The following PIP5K1A variants were observed in gnomAD, a reference collection of about 807,000 sequenced individuals.
PIP5K1A encodes the protein phosphatidylinositol-4-phosphate 5-kinase type 1 alpha, also known as phosphatidylinositol 4-phosphate 5-kinase type-1 alpha.
Under a neutral mutation model 72.9 loss-of-function variants are expected in PIP5K1A, and 46 were observed. The observed-to-expected ratio is 0.63, with a 90% CI of 0.50 to 0.81. The LOEUF is 0.81. Ranked by LOEUF, PIP5K1A falls within the 30% of genes least tolerant of loss-of-function variation. The pLI is 0.00. For synonymous variants in PIP5K1A, 228 were observed against 255.1 expected, an observed-to-expected ratio of 0.89 and a Z score of 1.01; for missense variants, 458 against 706.1, an observed-to-expected ratio of 0.65 and a Z score of 3.98.
At chr1:151,237,740 T>C (rs1691099205) in intron 9 of PIP5K1A, among the ~76,000 whole-genome samples, 1 of 152,174 alleles carries the variant, frequency 6.6e-6, no homozygotes, top group Non-Finnish European at 1.5e-5. Flanking sequence ...ATTACTGAAG[T>C]GTCACAAATA....
At chr1:151,224,877 C>T (rs181306288) in intron 3 of PIP5K1A, among the ~76,000 whole-genome samples, 1 of 152,272 alleles carries the variant, frequency 6.6e-6, no homozygotes, top group East Asian at 1.9e-4. Context: ...TCTTGCCTCT[C>T]CCCTGGGTTT....
chr1:151,195,999 A>G (rs1479691104), upstream of PIP5K1A, among the ~76,000 whole-genome samples: 1 of 135,512 alleles, frequency 7.4e-6, no homozygotes, highest in Non-Finnish European at 1.5e-5. Flanking sequence ...GGTTCATGCC[A>G]TTCTCCTGCC....
chr1:151,216,631 C>CT (rs1687663990), intron 1 of PIP5K1A, among the ~76,000 whole-genome samples: 1 of 150,740 alleles, frequency 6.6e-6, no homozygotes, highest in Non-Finnish European at 1.5e-5. Flanking sequence ...TTCCTTTTCT[C>CT]TTTCTGTTGT....
chr1:151,204,437 A>G (rs1261328661), intron 1 of PIP5K1A, among the ~76,000 whole-genome samples: 1 of 151,998 alleles, frequency 6.6e-6, no homozygotes, highest in Admixed American at 6.6e-5. Flanking sequence ...TCAGCCTCCC[A>G]AAGTGCTGGT....
intron 1 of PIP5K1A, among the ~76,000 whole-genome samples, chr1:151,202,016 G>A (rs1417777250): frequency 6.6e-6 from 1 of 152,198 alleles, no homozygotes; most frequent in Non-Finnish European, 1.5e-5. Flanking sequence ...GCTTTACTCT[G>A]TGTATTTCAC....
intron 1 of PIP5K1A, among the ~76,000 whole-genome samples, chr1:151,216,289 C>T (rs1448561866): frequency 6.7e-6 from 1 of 148,230 alleles, no homozygotes. Flanking sequence ...GCAGAGCTTG[C>T]AGTGAGCCGA....
rs994110976 is a variant in PIP5K1A, at chr1:151,211,760, C to T, written c.86-12485C>T. 6.0e-5 allele frequency among the ~76,000 whole-genome samples: 9 copies of T among 151,176 alleles called. No individual in the cohort carries two copies. In the South Asian group the frequency reaches 1.9e-3, roughly 32 times the overall value. On this transcript the variant is annotated intron_variant, in intron 1 of 15. Transcript: ENST00000368888. Reference sequence around the variant, plus strand: ...GGCGGAGCTTGCAGTGAGCCAAGATCGTGCCACTGCACTCCAGCCTGGGCG... The same window carrying T: ...GGCGGAGCTTGCAGTGAGCCAAGATTGTGCCACTGCACTCCAGCCTGGGCG...
chr1:151,225,425 T>C (rs1018447130), intron 3 of PIP5K1A, among the ~76,000 whole-genome samples: 4 of 152,134 alleles, frequency 2.6e-5, no homozygotes, highest in Non-Finnish European at 5.9e-5. Flanking sequence ...ATTTTGGCTC[T>C]TGGGGATAAC....
At chr1:151,211,241 C>G (rs922816227) in intron 1 of PIP5K1A, among the ~76,000 whole-genome samples, 2 of 152,182 alleles carry the variant, frequency 1.3e-5, no homozygotes, top group Admixed American at 6.5e-5. Flanking sequence ...AGTCCCAGCA[C>G]TTTGGGGGGC....
intron 4 of PIP5K1A, among the ~76,000 whole-genome samples, chr1:151,230,173 G>A (rs1280707392): frequency 6.6e-6 from 1 of 152,224 alleles, no homozygotes; most frequent in Non-Finnish European, 1.5e-5. Flanking sequence ...CCGAGGTTGG[G>A]GATGAGGCAA....
chr1:151,222,271 A>G (rs997160195), intron 1 of PIP5K1A, among the ~76,000 whole-genome samples: 3 of 152,158 alleles, frequency 2.0e-5, no homozygotes. Flanking sequence ...GAGTGTTATT[A>G]CTTAGACCCT....
At position 151,242,206 on chromosome 1, in the gene PIP5K1A, T is replaced by C. The variant is rs1691839179; in HGVS notation, c.1447T>C (p.Tyr483His). ...AGSSGNSCIT[Y>H]QPSVSGEHKA... The stretch of plus-strand genomic sequence containing the variant: ...CTCCAGTGGCAACTCCTGCATTACT[T>C]ACCAGCCATCGGTCTCTGGGGAACA... Residue 483 changes from tyrosine to histidine, a missense_variant, in exon 13 of 16, where the codon TAC (tyrosine) becomes CAC (histidine). Tyr to His is a moderately conservative substitution (Grantham distance 83, BLOSUM62 2). This residue lies in a region of PIP5K1A where 157 missense variants were observed against 175.5 expected (regional missense o/e 0.89). Transcript: ENST00000368888. 1 of 1,614,034 alleles carries C rather than the reference T, an allele frequency of 6.2e-7. No individual in the cohort carries two copies. The highest frequency in any genetic ancestry group is 1.3e-5 in the African/African-American group (1 of 74,922).
At chr1:151,205,104 G>T (rs922378730) in intron 1 of PIP5K1A, among the ~76,000 whole-genome samples, 1 of 152,174 alleles carries the variant, frequency 6.6e-6, no homozygotes, top group South Asian at 2.1e-4. Context: ...TACCAGGCCA[G>T]CTAGCAAACT....
Position 151,236,684 on chromosome 1 carries a change from C to T in PIP5K1A, c.1066C>T (p.Gln356Ter), listed in dbSNP as rs759583481. The T allele has an allele frequency of 1.9e-6, 3 of 1,613,862 alleles. No individual in the cohort carries two copies. The highest frequency in any genetic ancestry group is 1.7e-5 in the Admixed American group (1 of 59,976). The change falls in exon 9 of 16, where the codon CAA becomes TAA. Residue 356 changes from glutamine (Q) to a stop codon, truncating the protein, a stop_gained. Coordinates refer to ENST00000368888, the MANE Select transcript of PIP5K1A (RefSeq NM_001135638.2). LOFTEE classifies it high-confidence loss of function. ...YSVDTRRPAP[Q>*]KALYSTAMES... Reference sequence around the variant, plus strand: ...AGTTGATACTCGAAGACCGGCCCCCCAAAAGGCTCTGTATTCCACAGCCAT... The same window carrying T: ...AGTTGATACTCGAAGACCGGCCCCCTAAAAGGCTCTGTATTCCACAGCCAT...
intron 1 of PIP5K1A, among the ~76,000 whole-genome samples, chr1:151,200,402 T>G (rs1685054309): frequency 1.7e-5 from 2 of 116,682 alleles, no homozygotes; most frequent in African/African-American, 3.3e-5. Context: ...GGGGAGAAAG[T>G]GTGTGTATGT....
At chr1:151,242,313 CCCTT>C (rs1553304015) in intron 13 of PIP5K1A, 44 bp downstream of exon 13, 1 of 1,607,468 alleles carries the variant, frequency 6.2e-7, no homozygotes, top group African/African-American at 1.3e-5. Flanking sequence ...GGTACTCCCT[CCCTT>C]CCTTCTGAGC....
At chr1:151,199,158 C>T (rs1452345733) in intron 1 of PIP5K1A, 77 bp downstream of exon 1, 3 of 1,607,444 alleles carry the variant, frequency 1.9e-6, no homozygotes, top group Non-Finnish European at 2.5e-6. Flanking sequence ...AAGAGGGTAC[C>T]TGTAGCTGGG....
intron 1 of PIP5K1A, chr1:151,213,688 C>T (rs892436610): frequency 6.6e-6 from 1 of 151,968 alleles, no homozygotes; most frequent in Non-Finnish European, 1.5e-5. Flanking sequence ...TTTCTTGTTC[C>T]TTATCTTTGC....
chr1:151,219,532 T>A (rs187476032), intron 1 of PIP5K1A, among the ~76,000 whole-genome samples: 2,794 of 133,958 alleles, frequency 0.021, 46 homozygotes, highest in African/African-American at 0.043. Flanking sequence ...ACAAAAAATT[T>A]AAAAAAAAAA....
Sources: gnomAD v4.1 joint callset for allele counts (sites outside exome capture counted in the v4.1 genomes callset) on GRCh38, gnomAD v4.1.1 for gene constraint, gnomAD v4.1.1 regional missense constraint, MANE v1.5 for transcripts, NCBI Gene and HGNC (gene_info 2026-07-23, HGNC 2026-07-21) for gene names.